RIPK1: variants seen among roughly 807,000 people sequenced by gnomAD.
The protein encoded by RIPK1 is receptor-interacting serine/threonine-protein kinase 1.
A neutral mutation model predicts 62.4 loss-of-function variants in RIPK1; 27 were observed. The ratio of observed to expected loss-of-function variants is 0.43; its 90% CI spans 0.32 to 0.60. The LOEUF is 0.60. Ranked by LOEUF, RIPK1 falls within the 20% of genes least tolerant of loss-of-function variation. The probability of loss-of-function intolerance (pLI) is 0.07; values close to 1 mark genes in which losing one functional copy is unlikely to be tolerated. For missense variants in RIPK1, 735 were observed against 831.0 expected, an observed-to-expected ratio of 0.88 and a Z score of 1.42; for synonymous variants, 287 against 303.2, an observed-to-expected ratio of 0.95 and a Z score of 0.55.
upstream of RIPK1, chr6:3,068,310 GT>G: frequency 1.0e-6 from 1 of 985,482 alleles, no homozygotes; most frequent in South Asian, 4.7e-5. Context: ...GCGCGCGGAG[GT>G]TTCGGTTTCC....
chr6:3,094,353 T>C (rs1341473117), intron 7 of RIPK1, among the ~76,000 whole-genome samples: 1 of 152,176 alleles, frequency 6.6e-6, no homozygotes, highest in Non-Finnish European at 1.5e-5. Context: ...GTCCTCTGAG[T>C]ATATTTCAAT....
At chr6:3,070,927 C>A (rs1188168605) in intron 1 of RIPK1, among the ~76,000 whole-genome samples, 1 of 152,212 alleles carries the variant, frequency 6.6e-6, no homozygotes, top group Admixed American at 6.5e-5. Flanking sequence ...ACAAATATTT[C>A]ATTCCAGGAT....
At chr6:3,081,784 G>A (rs1422220074) in intron 4 of RIPK1, among the ~76,000 whole-genome samples, 1 of 146,762 alleles carries the variant, frequency 6.8e-6, no homozygotes, top group Admixed American at 7.0e-5. Context: ...CGCCTGAACC[G>A]GGGAGGTGGA....
intron 6 of RIPK1, among the ~76,000 whole-genome samples, chr6:3,087,791 G>A (rs376931067): frequency 5.3e-4 from 23 of 43,622 alleles, no homozygotes; most frequent in African/African-American, 7.3e-4. Flanking sequence ...AGCCCGCCTC[G>A]GCCTCCCAAA....
At chr6:3,085,510 C>G in intron 6 of RIPK1, 102 bp downstream of exon 6, 1 of 1,225,976 alleles carries the variant, frequency 8.2e-7, no homozygotes, top group African/African-American at 1.5e-5. Flanking sequence ...AAACTGAGTT[C>G]GACTTGACTT....
At chr6:3,065,009 G>C (rs1398545036), upstream of RIPK1, among the ~76,000 whole-genome samples, 1 of 152,070 alleles carries the variant, frequency 6.6e-6, no homozygotes, top group African/African-American at 2.4e-5. Flanking sequence ...CTGGGAGGCC[G>C]AGGCGGGCGG....
intron 9 of RIPK1, among the ~76,000 whole-genome samples, chr6:3,108,515 A>T (rs1760979472): frequency 6.6e-6 from 1 of 152,194 alleles, no homozygotes; most frequent in South Asian, 2.1e-4. Context: ...CGGTGAGCGC[A>T]GACTGTGAGT....
chr6:3,074,706 C>T (rs9405607), intron 1 of RIPK1, among the ~76,000 whole-genome samples: 72,668 of 143,802 alleles, frequency 0.51, 20,762 homozygotes, highest in Non-Finnish European at 0.63. Flanking sequence ...GACAGAGTCT[C>T]ACTTTGTTGC....
At chr6:3,108,432 A>AG (rs1363259745) in intron 9 of RIPK1, among the ~76,000 whole-genome samples, 1 of 152,176 alleles carries the variant, frequency 6.6e-6, no homozygotes, top group South Asian at 2.1e-4. Flanking sequence ...AGATTTGGGC[A>AG]GAAAGCACTG....
At chr6:3,082,579 C>T (rs2113604488) in intron 4 of RIPK1, among the ~76,000 whole-genome samples, 1 of 152,324 alleles carries the variant, frequency 6.6e-6, no homozygotes, top group South Asian at 2.1e-4. Flanking sequence ...AGCAACACTG[C>T]AGTCCTTATC....
At chr6:3,065,358 G>A (rs2113517331), upstream of RIPK1, among the ~76,000 whole-genome samples, 1 of 149,272 alleles carries the variant, frequency 6.7e-6, no homozygotes, top group Admixed American at 6.7e-5. Flanking sequence ...TGTGTTCATT[G>A]TCCAAGGCTC....
Position 3,083,864 on chromosome 6 carries a change from T to C in RIPK1, c.688+551T>C, listed in dbSNP as rs1475222898. On this transcript the variant is annotated intron_variant, in intron 5 of 10. Coordinates refer to ENST00000259808, the MANE Select transcript of RIPK1 (RefSeq NM_001354930.2). ...TCCACTTGTCTTACAGTCAGATCCA[T>C]CGCAGGTACCAGAGGAACCTCCAAA... Among the ~76,000 whole-genome samples the C allele has an allele frequency of 2.6e-5, 4 of 152,142 alleles. No individual in the cohort carries two copies. In the East Asian group the frequency reaches 7.7e-4, roughly 29 times the overall value.
At chr6:3,096,493 T>C (rs1760301732) in intron 7 of RIPK1, among the ~76,000 whole-genome samples, 1 of 151,618 alleles carries the variant, frequency 6.6e-6, no homozygotes, top group Admixed American at 6.6e-5. Context: ...AGTACGAAGA[T>C]GTCAGCTCTT....
Position 3,104,214 on chromosome 6 carries a change from CTT to C in RIPK1, c.916-10_916-9del. The C allele has an allele frequency of 7.3e-7, 1 of 1,369,244 alleles. No individual in the cohort carries two copies. Among genetic ancestry groups the C allele is most frequent in the East Asian group, 2.3e-5 (1 of 43,546 alleles). 84.8% of individuals were successfully genotyped at this position (1,369,244 alleles called of 1,614,324 possible). ...GTTCACTAAAGTGTGTATTTATGCT[CTT>C]AATTATAGAAAGAGTATTCAAACGA... On this transcript the variant is annotated splice_polypyrimidine_tract_variant and intron_variant, in intron 7 of 10. Transcript: ENST00000259808.
At chr6:3,094,351 AG>A (rs1230827388) in intron 7 of RIPK1, among the ~76,000 whole-genome samples, 1 of 152,230 alleles carries the variant, frequency 6.6e-6, no homozygotes, top group Non-Finnish European at 1.5e-5. Context: ...ATGTCCTCTG[AG>A]TATATTTCAA....
chr6:3,068,302 G>C, upstream of RIPK1: 1 of 985,512 alleles, frequency 1.0e-6, no homozygotes. Flanking sequence ...CCTCTCGTGC[G>C]CGCGGAGGTT....
chr6:3,065,510 T>G (rs373189561), upstream of RIPK1, among the ~76,000 whole-genome samples: 6 of 149,930 alleles, frequency 4.0e-5, no homozygotes, highest in African/African-American at 1.5e-4. Context: ...AATGTGGGCG[T>G]AGAGGGCAGG....
chr6:3,078,502 G>A (rs114308614), intron 3 of RIPK1, among the ~76,000 whole-genome samples: 3 of 152,136 alleles, frequency 2.0e-5, no homozygotes, highest in Non-Finnish European at 4.4e-5. Flanking sequence ...ATACCTGTCC[G>A]CTGCTCTGCA....
rs114175266 is a variant in RIPK1, at chr6:3,105,558, T to C, written c.1083T>C (p.Pro361=). 537 of 1,612,040 alleles carry C rather than the reference T, an allele frequency of 3.3e-4. 3 individuals carry two copies. The African/African-American group carries it at 6.5e-3, about 20-fold the overall frequency. The part of the protein sequence containing the change: ...MGPVEESWFA[P]SLEHPQEENE... The stretch of plus-strand genomic sequence containing the variant: ...CTGTGGAGGAGTCCTGGTTTGCTCC[T>C]TCCCTGGAGCACCCACAAGAAGAGA... The change falls in exon 9 of 11, where the codon CCT becomes CCC. Residue 361 remains proline (P), a synonymous_variant. Coordinates refer to ENST00000259808, the MANE Select transcript of RIPK1 (RefSeq NM_001354930.2). The surrounding 1 kb of genome is among the most constrained non-coding windows in gnomAD (Gnocchi z 4.5).
Sources: allele counts gnomAD v4.1 joint callset (sites outside exome capture counted in the v4.1 genomes callset), GRCh38; gene constraint gnomAD v4.1.1; non-coding constraint Gnocchi (gnomAD v3.1); transcripts MANE v1.5; gene names NCBI Gene and HGNC (gene_info 2026-07-23, HGNC 2026-07-21).